The following AKAP9 variants were observed in gnomAD, a reference collection of about 807,000 sequenced individuals.
AKAP9 encodes the protein A-kinase anchor protein 9.
In AKAP9, 311 loss-of-function variants were observed where a neutral mutation model predicts 488.5. That is an observed-to-expected ratio of 0.64 (90% CI 0.58 to 0.70). AKAP9 has a LOEUF of 0.70. Ranked by LOEUF, AKAP9 falls within the 30% of genes least tolerant of loss-of-function variation. The pLI is 0.00. For synonymous variants in AKAP9, 1,462 were observed against 1,483.5 expected, an observed-to-expected ratio of 0.99 and a Z score of 0.33; for missense variants, 4,215 against 4,374.5, an observed-to-expected ratio of 0.96 and a Z score of 1.03.
chr7:92,032,243 T>TCCCAC (rs1804376560), intron 16 of AKAP9, among the ~76,000 whole-genome samples: 1 of 152,198 alleles, frequency 6.6e-6, no homozygotes, highest in Non-Finnish European at 1.5e-5. Flanking sequence ...ACGCCTGTAA[T>TCCCAC]CCCACCGCTT....
chr7:92,064,151 CTCCTTCTAAAT>C, intron 24 of AKAP9, among the ~76,000 whole-genome samples: 1 of 152,140 alleles, frequency 6.6e-6, no homozygotes, highest in Non-Finnish European at 1.5e-5. Flanking sequence ...TTTTAAAATG[CTCCTTCTAAAT>C]CAGGAAGTAT....
rs115569114 is a variant in AKAP9, at chr7:92,017,222, A to G, written c.3837+120A>G. 7.8e-4 allele frequency: 608 copies of G among 775,820 alleles called. 5 individuals carry two copies. The African/African-American group carries it at 9.6e-3, about 12-fold the overall frequency. 48.1% of individuals were successfully genotyped at this position (775,820 alleles called of 1,614,324 possible). Reference sequence around the variant, plus strand: ...AGAGAACATGAAAAAGGAGATTGGGAAAAGTGACATATATTTGTAGTAGAT... The same window carrying G: ...AGAGAACATGAAAAAGGAGATTGGGGAAAGTGACATATATTTGTAGTAGAT... On this transcript the variant is annotated intron_variant, in intron 12 of 49. Transcript: ENST00000356239.
intron 7 of AKAP9, among the ~76,000 whole-genome samples, chr7:91,997,910 G>A (rs929625585): frequency 6.6e-6 from 1 of 151,810 alleles, no homozygotes. Context: ...AATTCTATCG[G>A]CAGCTGAGAT....
chr7:92,080,469 G>A (rs1813336586), intron 31 of AKAP9, among the ~76,000 whole-genome samples: 1 of 151,946 alleles, frequency 6.6e-6, no homozygotes, highest in African/African-American at 2.4e-5. Flanking sequence ...GTGGTGGTGG[G>A]TGCCTGTAGT....
At chr7:92,005,615 T>C (rs1317238458) in intron 8 of AKAP9, among the ~76,000 whole-genome samples, 2 of 152,220 alleles carry the variant, frequency 1.3e-5, no homozygotes, top group Admixed American at 1.3e-4. Flanking sequence ...AGATATTTTA[T>C]ATATTTACTT....
intron 6 of AKAP9, among the ~76,000 whole-genome samples, chr7:91,995,115 T>C (rs1798229032): frequency 6.6e-6 from 1 of 152,218 alleles, no homozygotes; most frequent in Non-Finnish European, 1.5e-5. Flanking sequence ...TTCTAAATGA[T>C]AACAAAACTA....
intron 9 of AKAP9, among the ~76,000 whole-genome samples, chr7:92,013,543 C>G (rs895127050): frequency 1.6e-4 from 25 of 152,038 alleles, no homozygotes; most frequent in African/African-American, 4.3e-4. Flanking sequence ...ATGATGACAC[C>G]ACTGCGGTGA....
intron 21 of AKAP9, among the ~76,000 whole-genome samples, chr7:92,049,407 C>T (rs528877415): frequency 6.6e-5 from 10 of 152,096 alleles, no homozygotes; most frequent in South Asian, 2.1e-4. Context: ...GTCAGGAGAT[C>T]GAGACCGTCC....
At chr7:92,068,755 A>G (rs1811204190) in intron 26 of AKAP9, among the ~76,000 whole-genome samples, 1 of 151,658 alleles carries the variant, frequency 6.6e-6, no homozygotes, top group South Asian at 2.1e-4. Context: ...AACTGACTGC[A>G]CATATCAGTG....
At position 92,080,019 on chromosome 7, in the gene AKAP9, T is replaced by A; in HGVS notation, c.7886T>A (p.Val2629Glu). The stretch of plus-strand genomic sequence containing the variant: ...AGTTTGATTTTAGAAAAAGAACAAG[T>A]AGAAATTGCAGAAAAAAATGTTTTA... ...HTSLILEKEQ[V>E]EIAEKNVLEK... Residue 2629 changes from valine to glutamate, a missense_variant, in exon 31 of 50, where the codon GTA becomes GAA. Around this residue, in one of 5 missense-constraint regions of AKAP9, gnomAD observed 1,476 missense variants for 1,477.4 expected, o/e 1.00. Transcript: ENST00000356239. The A allele has an allele frequency of 6.4e-7, 1 of 1,561,888 alleles. No homozygotes were observed. The highest frequency in any genetic ancestry group is 1.4e-5 in the African/African-American group (1 of 72,044).
intron 1 of AKAP9, among the ~76,000 whole-genome samples, chr7:91,951,836 C>G (rs112360604): frequency 0.034 from 5,112 of 152,110 alleles, 307 homozygotes; most frequent in African/African-American, 0.12. Context: ...GATCATGCCA[C>G]TGCACTCCAG....
chr7:92,091,025 AG>A (rs1815463580), intron 38 of AKAP9, among the ~76,000 whole-genome samples: 1 of 152,116 alleles, frequency 6.6e-6, no homozygotes, highest in African/African-American at 2.4e-5. Flanking sequence ...TAGTTCCTGA[AG>A]GGTTTAGTCC....
rs754417214 is a variant in AKAP9 at position 92,001,852 on chromosome 7, A to G, written c.1935A>G (p.Glu645=). 1.2e-6 allele frequency: 2 copies of G among 1,613,432 alleles called. No homozygotes were observed. Among genetic ancestry groups the G allele is most frequent in the Non-Finnish European group, 1.7e-6 (2 of 1,179,562 alleles). The change falls in exon 8 of 50, where the codon GAA becomes GAG. Residue 645 remains glutamate, a synonymous_variant. Transcript: ENST00000356239. ...EELSKLKEDL[E]IEHRINIEKL... is the part of the protein sequence containing the mutation. ...TTTCCAAACTGAAGGAAGATTTAGA[A>G]ATTGAACATCGAATAAATATTGAAA...
chr7:91,962,695 T>C (rs1793868665), intron 1 of AKAP9, among the ~76,000 whole-genome samples: 1 of 152,150 alleles, frequency 6.6e-6, no homozygotes, highest in Non-Finnish European at 1.5e-5. Context: ...AACAATGCCA[T>C]GGTAATTTAA....
chr7:92,019,938 C>G (rs1192070419), intron 12 of AKAP9, among the ~76,000 whole-genome samples: 1 of 151,778 alleles, frequency 6.6e-6, no homozygotes, highest in South Asian at 2.1e-4. Flanking sequence ...TGCTTGAACC[C>G]AGAAGGTGGA....
chr7:92,086,723 G>A (rs111452671), intron 37 of AKAP9, among the ~76,000 whole-genome samples: 11 of 152,200 alleles, frequency 7.2e-5, no homozygotes, highest in East Asian at 1.9e-4. Flanking sequence ...AACATTGAGC[G>A]GTCATTGCTC....
chr7:92,103,386 T>TA, intron 46 of AKAP9, among the ~76,000 whole-genome samples: 1 of 49,504 alleles, frequency 2.0e-5, no homozygotes, highest in African/African-American at 9.8e-5. Context: ...TGAGACTCTG[T>TA]CAAAAAAAAA....
In AKAP9 at chr7:92,105,998, G is replaced by A. The variant is rs377235586; in HGVS notation, c.11416+235G>A. ...ACTGCACATGTGAGGAATCTAGGTT[G>A]TGTGCTCCTTATGAGAATCTAACTA... On this transcript the variant is annotated intron_variant, in intron 47 of 49. Coordinates refer to ENST00000356239, the MANE Select transcript of AKAP9 (RefSeq NM_005751.5). Among the ~76,000 whole-genome samples, 6 of 152,248 alleles carry A rather than the reference G, an allele frequency of 3.9e-5. No individual in the cohort carries two copies. In the East Asian group the frequency reaches 9.6e-4, roughly 24 times the overall value.
Position 92,107,363 on chromosome 7 carries a change from T to A in AKAP9, c.11487T>A (p.Thr3829=). The part of the protein sequence containing the change: ...GLELYGEPRH[T]TYRSRSDLDY... ...AGTTATATGGAGAACCAAGACATACTACGTATCGCTCAAGATCAGATCTGG... is the reference window on the plus strand; with the variant it reads ...AGTTATATGGAGAACCAAGACATACAACGTATCGCTCAAGATCAGATCTGG... The change falls in exon 48 of 50, where the codon ACT becomes ACA. Residue 3829 remains threonine, a synonymous_variant. Coordinates refer to ENST00000356239, the MANE Select transcript of AKAP9 (RefSeq NM_005751.5). 6.2e-7 allele frequency: 1 copy of A among 1,613,578 alleles called. No homozygotes were observed. The highest frequency in any genetic ancestry group is 1.7e-5 in the Admixed American group (1 of 60,014).
Sources: gnomAD v4.1 joint callset for allele counts (sites outside exome capture counted in the v4.1 genomes callset) on GRCh38, gnomAD v4.1.1 for gene constraint, gnomAD v4.1.1 regional missense constraint, MANE v1.5 for transcripts, NCBI Gene and HGNC (gene_info 2026-07-23, HGNC 2026-07-21) for gene names.